OTOG: variants seen among roughly 807,000 people sequenced by gnomAD.
OTOG encodes the protein otogelin.
Under a neutral mutation model 313.8 loss-of-function variants are expected in OTOG, and 296 were observed. The observed-to-expected ratio is 0.94, with a 90% CI of 0.86 to 1.04. The LOEUF (loss-of-function observed/expected upper bound fraction) is 1.04. Among genes scored for constraint, OTOG ranks in the 50% least tolerant of loss-of-function variants. OTOG has a pLI of 0.00. For missense variants in OTOG, 3,948 were observed against 3,840.1 expected (o/e 1.03, Z -0.74); for synonymous variants, 1,533 against 1,554.9 (o/e 0.99, Z 0.33).
chr11:17,593,287 G>C lies in OTOG; in HGVS notation c.3101G>C (p.Gly1034Ala). The C allele has an allele frequency of 6.4e-7, 1 of 1,550,548 alleles. No individual in the cohort carries two copies. Among genetic ancestry groups the C allele is most frequent in the Non-Finnish European group, 8.7e-7 (1 of 1,146,960 alleles). Residue 1034 changes from glycine (G) to alanine (A), a missense_variant, in exon 26 of 56, where the codon GGG becomes GCG. Coordinates refer to ENST00000399397, the MANE Select transcript of OTOG (RefSeq NM_001292063.2). ...ICRKFISINV[G>A]NSLIVFDDDS... ...AGGAAATTTATTTCCATCAACGTTG[G>C]GAACTCACTCATTGTCTTTGATGAT...
chr11:17,584,521 T>A (rs889263529), intron 23 of OTOG, among the ~76,000 whole-genome samples: 1 of 151,206 alleles, frequency 6.6e-6, no homozygotes, highest in African/African-American at 2.5e-5. Context: ...GGTATTGAAT[T>A]GTCATTTGAT....
intron 3 of OTOG, among the ~76,000 whole-genome samples, chr11:17,548,497 G>A (rs1457888450): frequency 7.5e-5 from 10 of 132,824 alleles, no homozygotes; most frequent in South Asian, 2.4e-4. Context: ...AGAGAGCTGA[G>A]CTCTCCCTTC....
intron 46 of OTOG, 42 bp from the exon 47 acceptor site, chr11:17,635,568 T>G: frequency 6.8e-7 from 1 of 1,477,134 alleles, no homozygotes; most frequent in Non-Finnish European, 9.3e-7. Context: ...CAGGCCCCTA[T>G]GAGAGGACTG....
chr11:17,601,947 G>C (rs984327153), intron 31 of OTOG, among the ~76,000 whole-genome samples: 1 of 152,140 alleles, frequency 6.6e-6, no homozygotes, highest in Non-Finnish European at 1.5e-5. Flanking sequence ...CTCCCTGTGG[G>C]TCGCCTTCTT....
rs1280816245 is a variant in OTOG at position 17,635,602 on chromosome 11, C to T, written c.7694-8C>T. On this transcript the variant is annotated splice_polypyrimidine_tract_variant and splice_region_variant and intron_variant, in intron 46 of 55. Coordinates refer to ENST00000399397, the MANE Select transcript of OTOG (RefSeq NM_001292063.2). ...TGCTGTGACAGCATTGACCCTCTTC[C>T]CCCTCAGCCTGTGGTGACTGTCCAG... is the stretch of plus-strand genomic sequence containing the variant. The T allele has an allele frequency of 1.3e-6, 2 of 1,547,930 alleles. No homozygotes were observed. The highest frequency in any genetic ancestry group is 2.0e-5 in the Admixed American group (1 of 51,000).
At chr11:17,583,026 T>C (rs7108579) in intron 23 of OTOG, among the ~76,000 whole-genome samples, 1,943 of 152,112 alleles carry the variant, frequency 0.013, 47 homozygotes, top group African/African-American at 0.045. Flanking sequence ...TGAGGTCTAA[T>C]TTATCATTTT....
chr11:17,630,346 G>A (rs1854091769), intron 40 of OTOG, among the ~76,000 whole-genome samples: 1 of 152,074 alleles, frequency 6.6e-6, no homozygotes, highest in African/African-American at 2.4e-5. Context: ...GAGCACTGTG[G>A]TCAGCAGTAG....
At chr11:17,569,076 T>C in intron 15 of OTOG, 80 bp from the exon 16 acceptor site, 1 of 1,482,762 alleles carries the variant, frequency 6.7e-7, no homozygotes, top group African/African-American at 1.4e-5. Context: ...TGGGCTGGGG[T>C]CTCTGTCCCT....
At chr11:17,553,795 G>A (rs193251952) in intron 6 of OTOG, among the ~76,000 whole-genome samples, 71 of 152,282 alleles carry the variant, frequency 4.7e-4, no homozygotes, top group Admixed American at 4.4e-3. Context: ...GTCTGGTGGC[G>A]GGAGGCCCTG....
At chr11:17,605,710 G>C (rs773289320) in intron 32 of OTOG, 147 bp from the exon 33 acceptor site, 6 of 852,534 alleles carry the variant, frequency 7.0e-6, no homozygotes, top group Admixed American at 3.0e-5. Context: ...TAGGTGGGCT[G>C]GGGGCTGGTG....
chr11:17,645,382 G>A (rs1008421063), intron 54 of OTOG, among the ~76,000 whole-genome samples, 182 bp from the exon 55 acceptor site: 7 of 152,132 alleles, frequency 4.6e-5, no homozygotes, highest in South Asian at 2.1e-4. Flanking sequence ...TCCTGACTCC[G>A]CCTCCTTCCA....
chr11:17,633,702 C>T lies in OTOG; in HGVS notation c.7095C>T (p.Ser2365=), dbSNP rs1854188228. The change falls in exon 43 of 56, where the codon TCC becomes TCT. Residue 2365 remains serine (S), a synonymous_variant. Transcript: ENST00000399397. The part of the protein sequence containing the change: ...DYCPFLCSSD[S]TYQACVTACE... The stretch of plus-strand genomic sequence containing the variant: ...CAGCCTTCCTGTGCTCCAGCGACTC[C>T]ACATACCAGGCATGTGTGACAGCCT... The T allele has an allele frequency of 6.5e-7, 1 of 1,545,246 alleles. No homozygotes were observed. The highest frequency in any genetic ancestry group is 1.4e-5 in the African/African-American group (1 of 72,944).
Position 17,572,128 on chromosome 11 carries a change from C to G in OTOG, c.2004C>G (p.Ser668=). The G allele has an allele frequency of 6.4e-7, 1 of 1,550,398 alleles. No individual in the cohort carries two copies. Among genetic ancestry groups the G allele is most frequent in the Non-Finnish European group, 8.7e-7 (1 of 1,146,926 alleles). Residue 668 remains serine, a synonymous_variant, in exon 18 of 56, where the codon TCC becomes TCG. Coordinates refer to ENST00000399397, the MANE Select transcript of OTOG (RefSeq NM_001292063.2). ...GCACCCCACAACTTTTTGGCAATTC[C>G]TGGAAAACACTTTCTGCTTGCTCCC... ...PESTPQLFGN[S]WKTLSACSPL...
At chr11:17,565,666 G>T (rs1852280976) in intron 15 of OTOG, among the ~76,000 whole-genome samples, 1 of 152,146 alleles carries the variant, frequency 6.6e-6, no homozygotes, top group Admixed American at 6.5e-5. Flanking sequence ...ATTTATATCA[G>T]CATAGACTCA....
intron 39 of OTOG, 97 bp from the exon 40 acceptor site, chr11:17,629,036 A>T: frequency 1.7e-6 from 2 of 1,163,288 alleles, no homozygotes; most frequent in East Asian, 2.7e-5. Context: ...TGATGGGTGG[A>T]TGGATGGATG....
intron 19 of OTOG, among the ~76,000 whole-genome samples, chr11:17,574,328 G>GTA (rs1852469464): frequency 6.6e-6 from 1 of 151,976 alleles, no homozygotes; most frequent in East Asian, 1.9e-4. Context: ...GTGTGTGTGT[G>GTA]TGTGTCCACA....
At position 17,596,174 on chromosome 11, in the gene OTOG, G is replaced by A. The variant is rs987279850; in HGVS notation, c.3525+20G>A. 5.3e-6 allele frequency: 8 copies of A among 1,520,204 alleles called. No individual in the cohort carries two copies. Among genetic ancestry groups the A allele is most frequent in the African/African-American group, 1.4e-5 (1 of 72,256 alleles). 94.2% of individuals were successfully genotyped at this position (1,520,204 alleles called of 1,614,324 possible). ...CCTGTGGTGAGTGTACCCCAGCCTC[G>A]GCTCCTCCCGAGTGCCCCCTCCACT... On this transcript the variant is annotated intron_variant, in intron 29 of 55. Transcript: ENST00000399397.
chr11:17,599,602 C>A (rs1008129852), intron 30 of OTOG, 69 bp from the exon 31 acceptor site: 11 of 1,518,690 alleles, frequency 7.2e-6, no homozygotes, highest in Non-Finnish European at 8.0e-6. Flanking sequence ...ATGCTGGGAG[C>A]CTTGGCTCTG....
At chr11:17,572,677 TG>T (rs1397428430) in intron 18 of OTOG, among the ~76,000 whole-genome samples, 3 of 152,376 alleles carry the variant, frequency 2.0e-5, no homozygotes, top group Non-Finnish European at 4.4e-5. Context: ...CTTTCAGATT[TG>T]TGCTCAAACC....
Sources: allele counts gnomAD v4.1 joint callset (sites outside exome capture counted in the v4.1 genomes callset), GRCh38; gene constraint gnomAD v4.1.1; transcripts MANE v1.5; gene names NCBI Gene and HGNC (gene_info 2026-07-23, HGNC 2026-07-21).